Variants in PDE1C observed in about 807,000 individuals in gnomAD.
PDE1C encodes the protein dual specificity calcium/calmodulin-dependent 3',5'-cyclic nucleotide phosphodiesterase 1C.
In PDE1C, 62 loss-of-function variants were observed where a neutral mutation model predicts 93.1. The ratio of observed to expected loss-of-function variants is 0.67; its 90% CI spans 0.54 to 0.82. The LOEUF is 0.82. Ranked by LOEUF, PDE1C falls within the 40% of genes least tolerant of loss-of-function variation. PDE1C has a pLI of 0.00. For missense variants in PDE1C, 742 were observed against 884.6 expected (o/e 0.84, Z 2.04); for synonymous variants, 325 against 310.1 (o/e 1.05, Z -0.50).
At chr7:31,640,434 C>A in the PDE1C span, among the ~76,000 whole-genome samples, 1 of 152,200 alleles carries the variant, frequency 6.6e-6, no homozygotes, top group Non-Finnish European at 1.5e-5. Flanking sequence ...GCCCTTTGAA[C>A]TCTAGCTGGC....
chr7:31,682,510 C>A, the PDE1C span, among the ~76,000 whole-genome samples: 1 of 152,142 alleles, frequency 6.6e-6, no homozygotes, highest in Non-Finnish European at 1.5e-5. Flanking sequence ...CTGGATCATG[C>A]CACATTGCTG....
intron 3 of PDE1C, among the ~76,000 whole-genome samples, chr7:32,152,048 T>TA (rs1801292524): frequency 6.6e-6 from 1 of 152,230 alleles, no homozygotes. Flanking sequence ...CACCATATTC[T>TA]AGGTTCCTTG....
At chr7:31,676,111 C>T in the PDE1C span, among the ~76,000 whole-genome samples, 19 of 152,212 alleles carry the variant, frequency 1.2e-4, 1 homozygote, top group African/African-American at 3.9e-4. Flanking sequence ...TGACGGTGGC[C>T]GAGAAGCCCA....
chr7:32,142,107 A>C (rs1800569060), intron 3 of PDE1C, among the ~76,000 whole-genome samples: 1 of 152,094 alleles, frequency 6.6e-6, no homozygotes, highest in Non-Finnish European at 1.5e-5. Flanking sequence ...AGAGAATAGG[A>C]CAATTTTAAA....
intron 2 of PDE1C, among the ~76,000 whole-genome samples, chr7:31,960,086 C>A (rs1192472953): frequency 2.6e-5 from 4 of 151,844 alleles, no homozygotes; most frequent in African/African-American, 9.7e-5. Flanking sequence ...TGTTGGCCAG[C>A]CTGGTCTTGA....
At chr7:32,404,718 C>T (rs1486834301) in intron 1 of PDE1C, among the ~76,000 whole-genome samples, 4 of 152,046 alleles carry the variant, frequency 2.6e-5, no homozygotes, top group Non-Finnish European at 5.9e-5. Flanking sequence ...TCTCTATGTG[C>T]GTGTGGGGTG....
At chr7:32,138,458 C>A (rs1037647086) in intron 3 of PDE1C, among the ~76,000 whole-genome samples, 4 of 152,118 alleles carry the variant, frequency 2.6e-5, no homozygotes, top group African/African-American at 9.7e-5. Flanking sequence ...CAAACCTTCA[C>A]CCAAGACACT....
exon 1 of PDE1C, chr7:32,298,777 G>A: frequency 6.4e-7 from 1 of 1,551,990 alleles, no homozygotes; most frequent in Non-Finnish European, 8.7e-7. Flanking sequence ...GAGACCAGCG[G>A]CGTCTGCGGT....
chr7:32,269,930 T>G (rs955514267), intron 1 of PDE1C, among the ~76,000 whole-genome samples: 4 of 152,066 alleles, frequency 2.6e-5, no homozygotes, highest in Admixed American at 2.6e-4. Context: ...TGCAACACCA[T>G]GTCTGGCTAA....
At chr7:32,420,254 C>T (rs867813943) in intron 1 of PDE1C, among the ~76,000 whole-genome samples, 4 of 30,154 alleles carry the variant, frequency 1.3e-4, no homozygotes, top group South Asian at 1.0e-3. Context: ...TATATATATA[C>T]ATGTGTATAT....
At chr7:32,213,619 A>G (rs554922095) in intron 1 of PDE1C, among the ~76,000 whole-genome samples, 4 of 152,350 alleles carry the variant, frequency 2.6e-5, no homozygotes, top group East Asian at 3.9e-4. Flanking sequence ...CTGGCACAGG[A>G]GCCCTCAAAC....
At chr7:31,675,858 G>C in the PDE1C span, among the ~76,000 whole-genome samples, 1 of 152,154 alleles carries the variant, frequency 6.6e-6, no homozygotes, top group African/African-American at 2.4e-5. Flanking sequence ...TAGGCAAAAG[G>C]TTACCAAAAT....
intron 1 of PDE1C, among the ~76,000 whole-genome samples, chr7:32,248,515 T>C (rs1381829051): frequency 6.6e-6 from 1 of 152,090 alleles, no homozygotes; most frequent in East Asian, 1.9e-4. Flanking sequence ...TCCCAGAACT[T>C]GGAAGAAAGA....
chr7:31,647,071 T>C, the PDE1C span, among the ~76,000 whole-genome samples: 2 of 152,360 alleles, frequency 1.3e-5, no homozygotes, highest in East Asian at 3.9e-4. Flanking sequence ...TATGCAGGCA[T>C]ACATATGCAC....
At chr7:32,361,751 C>T (rs769993989) in intron 1 of PDE1C, among the ~76,000 whole-genome samples, 1 of 152,194 alleles carries the variant, frequency 6.6e-6, no homozygotes, top group Non-Finnish European at 1.5e-5. Context: ...CTTTCTCATA[C>T]CAGTGACCAC....
At chr7:32,410,149 C>T (rs1785135475) in intron 1 of PDE1C, among the ~76,000 whole-genome samples, 1 of 152,058 alleles carries the variant, frequency 6.6e-6, no homozygotes, top group Non-Finnish European at 1.5e-5. Flanking sequence ...CACAGCAGTA[C>T]AAAATCAATA....
chr7:31,696,985 A>C, the PDE1C span: 84 of 1,613,992 alleles, frequency 5.2e-5, 1 homozygote, highest in Admixed American at 1.2e-3. Context: ...AGAACATTTA[A>C]TTAAAAGATA....
At chr7:32,172,249 C>T (rs1307855198) in intron 2 of PDE1C, among the ~76,000 whole-genome samples, 1 of 151,868 alleles carries the variant, frequency 6.6e-6, no homozygotes, top group Non-Finnish European at 1.5e-5. Flanking sequence ...GTTGAGTGAA[C>T]AGGCAACCTA....
chr7:32,408,517 G>A (rs1030867966), intron 1 of PDE1C, among the ~76,000 whole-genome samples: 10 of 152,190 alleles, frequency 6.6e-5, no homozygotes, highest in Non-Finnish European at 1.2e-4. Flanking sequence ...GGCCGGGCAC[G>A]GTGTCTCATG....
Sources: allele counts gnomAD v4.1 joint callset (sites outside exome capture counted in the v4.1 genomes callset), GRCh38; gene constraint gnomAD v4.1.1; transcripts MANE v1.5; gene names NCBI Gene and HGNC (gene_info 2026-07-23, HGNC 2026-07-21).